Variants in CSMD3 observed in about 807,000 individuals in gnomAD.
The protein encoded by CSMD3 is CUB and sushi domain-containing protein 3.
In CSMD3, 177 loss-of-function variants were observed where a neutral mutation model predicts 435.2. The ratio of observed to expected loss-of-function variants is 0.41; its 90% CI spans 0.36 to 0.46. CSMD3 has a LOEUF of 0.46. CSMD3 is among the 20% of genes least tolerant of loss of function. The probability of loss-of-function intolerance (pLI) is 0.34; values close to 1 mark genes in which losing one functional copy is unlikely to be tolerated. For synonymous variants in CSMD3, 1,656 were observed against 1,520.5 expected (o/e 1.09, Z -2.07); for missense variants, 4,265 against 4,504.6 (o/e 0.95, Z 1.52).
intron 11 of CSMD3, among the ~76,000 whole-genome samples, chr8:112,855,044 A>G (rs2080607841): frequency 6.6e-6 from 1 of 152,220 alleles, no homozygotes; most frequent in Non-Finnish European, 1.5e-5. Context: ...ATTAAGAATA[A>G]AAGAAGAGAT....
At chr8:112,401,857 A>C (rs1165680877) in intron 35 of CSMD3, among the ~76,000 whole-genome samples, 1 of 152,184 alleles carries the variant, frequency 6.6e-6, no homozygotes, top group African/African-American at 2.4e-5. Context: ...CCTTTTCCAA[A>C]ATGCAAAAAT....
chr8:113,291,920 T>TACTTCTACTTACTTCTAAGTAGA (rs1367546222), intron 2 of CSMD3, among the ~76,000 whole-genome samples: 4 of 151,386 alleles, frequency 2.6e-5, no homozygotes, highest in African/African-American at 9.7e-5. Flanking sequence ...TTCAAGGTTC[T>TACTTCTACTTACTTCTAAGTAGA]ACTTCTACTT....
At chr8:112,710,043 A>G (rs1043411294) in intron 13 of CSMD3, among the ~76,000 whole-genome samples, 3 of 152,126 alleles carry the variant, frequency 2.0e-5, no homozygotes, top group African/African-American at 7.2e-5. Context: ...AAATATAACC[A>G]TCTAGGAAGA....
chr8:112,296,785 G>C (rs1820334915), intron 53 of CSMD3, among the ~76,000 whole-genome samples: 1 of 151,692 alleles, frequency 6.6e-6, no homozygotes, highest in South Asian at 2.1e-4. Flanking sequence ...GAATAATAGA[G>C]AACATTAAGT....
chr8:112,850,517 TTTATG>T (rs1389204747), intron 11 of CSMD3, among the ~76,000 whole-genome samples: 1 of 152,212 alleles, frequency 6.6e-6, no homozygotes, highest in Non-Finnish European at 1.5e-5. Flanking sequence ...TGATATTTAA[TTTATG>T]TTAATGAGTG....
rs115860412 is a variant in CSMD3 at position 112,563,255 on chromosome 8, A to T, written c.4043-6301T>A. Among the ~76,000 whole-genome samples the T allele has an allele frequency of 4.3e-3, 652 of 151,994 alleles. 3 individuals are homozygous for T. Among genetic ancestry groups the T allele is most frequent in the African/African-American group, 0.015 (611 of 41,552 alleles). On this transcript the variant is annotated intron_variant, in intron 24 of 70. Coordinates refer to ENST00000297405, the MANE Select transcript of CSMD3 (RefSeq NM_198123.2). Reference sequence around the variant, plus strand: ...CACTAATCAAACTATACAAAAATCAAACTTTAAAGCTACAACTTTAGAAGA... The same window carrying T: ...CACTAATCAAACTATACAAAAATCATACTTTAAAGCTACAACTTTAGAAGA...
At chr8:112,795,367 T>A (rs1315727488) in intron 13 of CSMD3, among the ~76,000 whole-genome samples, 1 of 152,172 alleles carries the variant, frequency 6.6e-6, no homozygotes, top group Non-Finnish European at 1.5e-5. Flanking sequence ...ATTAAATACA[T>A]GATTGTGTCA....
At chr8:113,026,268 G>A (rs2086872853) in intron 5 of CSMD3, among the ~76,000 whole-genome samples, 1 of 152,202 alleles carries the variant, frequency 6.6e-6, no homozygotes, top group Non-Finnish European at 1.5e-5. Flanking sequence ...CCAGCAGGGG[G>A]AACAGAGTGG....
At chr8:112,884,905 C>A (rs922717215) in intron 10 of CSMD3, among the ~76,000 whole-genome samples, 4 of 150,656 alleles carry the variant, frequency 2.7e-5, no homozygotes, top group Admixed American at 2.6e-4. Context: ...CTTTTTTTTC[C>A]AGGACCTTCT....
intron 35 of CSMD3, among the ~76,000 whole-genome samples, chr8:112,397,425 C>G (rs1303782198): frequency 1.3e-5 from 2 of 152,118 alleles, no homozygotes; most frequent in South Asian, 4.1e-4. Flanking sequence ...AAATACAAGT[C>G]ATATGACACA....
intron 22 of CSMD3, among the ~76,000 whole-genome samples, chr8:112,634,772 G>A (rs1272808817): frequency 6.6e-6 from 1 of 150,898 alleles, no homozygotes; most frequent in Non-Finnish European, 1.5e-5. Context: ...CCTATGTAAC[G>A]GCCTGGCATG....
chr8:113,365,800 C>A (rs565683537), intron 1 of CSMD3, among the ~76,000 whole-genome samples: 21 of 152,096 alleles, frequency 1.4e-4, no homozygotes, highest in African/African-American at 4.8e-4. Flanking sequence ...CTGTTATAAT[C>A]ATGAGTCTCA....
intron 4 of CSMD3, among the ~76,000 whole-genome samples, chr8:113,129,724 CGT>C (rs2091236151): frequency 6.6e-6 from 1 of 151,954 alleles, no homozygotes; most frequent in African/African-American, 2.4e-5. Context: ...TATACACACA[CGT>C]GTAATATTAA....
chr8:112,584,724 G>A (rs543409991), intron 23 of CSMD3, among the ~76,000 whole-genome samples: 34 of 151,230 alleles, frequency 2.2e-4, no homozygotes, highest in African/African-American at 8.0e-4. Flanking sequence ...AAAAGAAAAA[G>A]CAATGATTTT....
chr8:113,432,585 C>T (rs1298755750), intron 1 of CSMD3, among the ~76,000 whole-genome samples: 6 of 152,238 alleles, frequency 3.9e-5, no homozygotes, highest in African/African-American at 1.4e-4. Flanking sequence ...GGCTGCCCTC[C>T]TGCTGGCCTT....
intron 2 of CSMD3, among the ~76,000 whole-genome samples, chr8:113,306,308 A>C (rs1202943754): frequency 2.6e-5 from 4 of 152,114 alleles, no homozygotes; most frequent in Non-Finnish European, 2.9e-5. Flanking sequence ...GTTGGTTCCA[A>C]CTCTGAAGGG....
intron 7 of CSMD3, among the ~76,000 whole-genome samples, chr8:112,963,054 G>A (rs1039808129): frequency 2.0e-5 from 3 of 151,922 alleles, no homozygotes; most frequent in African/African-American, 7.2e-5. Context: ...AACCTCTGGG[G>A]GATTCCAGCA....
chr8:112,335,564 T>TGATACGTTAGAATATAAA, intron 44 of CSMD3, 90 bp from the exon 45 acceptor site: 1 of 1,127,160 alleles, frequency 8.9e-7, no homozygotes, highest in Non-Finnish European at 1.3e-6. Flanking sequence ...TTGCATATAT[T>TGATACGTTAGAATATAAA]TATATTCTAA....
intron 10 of CSMD3, among the ~76,000 whole-genome samples, chr8:112,908,816 A>G (rs2082330536): frequency 6.6e-6 from 1 of 151,558 alleles, no homozygotes. Context: ...CATGGTCTTT[A>G]TGATGTTTTA....
Sources: gnomAD v4.1 joint callset for allele counts (sites outside exome capture counted in the v4.1 genomes callset) on GRCh38, gnomAD v4.1.1 for gene constraint, MANE v1.5 for transcripts, NCBI Gene and HGNC (gene_info 2026-07-23, HGNC 2026-07-21) for gene names.